Variants in DTNA observed in about 807,000 individuals in gnomAD.
The protein encoded by DTNA is dystrophin-related protein 3.
Under a neutral mutation model 100.7 loss-of-function variants are expected in DTNA, and 43 were observed. That is an observed-to-expected ratio of 0.43 (90% CI 0.33 to 0.55). DTNA has a LOEUF of 0.55. Ranked by LOEUF, DTNA falls within the 20% of genes least tolerant of loss-of-function variation. The pLI is 0.04. For synonymous variants in DTNA, 349 were observed against 347.9 expected (o/e 1.00, Z -0.04); for missense variants, 798 against 953.9 (o/e 0.84, Z 2.15).
intron 3 of DTNA, among the ~76,000 whole-genome samples, chr18:34,789,759 A>G (rs2094636502): frequency 1.3e-5 from 2 of 152,150 alleles, no homozygotes; most frequent in Admixed American, 6.5e-5. Flanking sequence ...TACGTTCCTT[A>G]TATTAGGACC....
chr18:34,791,685 T>A (rs28521325), intron 3 of DTNA, among the ~76,000 whole-genome samples: 1 of 152,220 alleles, frequency 6.6e-6, no homozygotes, highest in Non-Finnish European at 1.5e-5. Context: ...TTTCCAAAAC[T>A]AATAAATATT....
At chr18:34,699,006 A>G (rs2080997260) in intron 1 of DTNA, among the ~76,000 whole-genome samples, 2 of 151,204 alleles carry the variant, frequency 1.3e-5, no homozygotes, top group Non-Finnish European at 2.9e-5. Flanking sequence ...ATAATCTAGT[A>G]TGATCTCATT....
At chr18:34,581,319 G>A (rs1477997593) in intron 1 of DTNA, among the ~76,000 whole-genome samples, 1 of 152,086 alleles carries the variant, frequency 6.6e-6, no homozygotes, top group East Asian at 1.9e-4. Flanking sequence ...TGGGCTGGTT[G>A]TCCTTATCCA....
chr18:34,875,201 T>C, intron 17 of DTNA, 38 bp from the exon 18 acceptor site: 2 of 1,609,432 alleles, frequency 1.2e-6, no homozygotes, highest in Non-Finnish European at 8.5e-7. Context: ...TGACATTTTC[T>C]TGGGAAAGCA....
chr18:34,553,134 A>G lies in DTNA; in HGVS notation c.-2+59620A>G, dbSNP rs1170664779. Among the ~76,000 whole-genome samples the G allele has an allele frequency of 5.4e-4, 81 of 149,772 alleles. 1 individual carries two copies. Among genetic ancestry groups the G allele is most frequent in the Non-Finnish European group, 1.6e-4 (11 of 66,764 alleles). On this transcript the variant is annotated intron_variant, in intron 1 of 19. Coordinates refer to the DTNA transcript ENST00000283365. Reference sequence around the variant, plus strand: ...TGCATTTCTCTGATGGCCAGTGATGATGAGCATTTTTTCATGTGTTTTTTG... The same window carrying G: ...TGCATTTCTCTGATGGCCAGTGATGGTGAGCATTTTTTCATGTGTTTTTTG...
chr18:34,667,605 C>G (rs1437689552), intron 1 of DTNA, among the ~76,000 whole-genome samples: 2 of 152,074 alleles, frequency 1.3e-5, no homozygotes, highest in African/African-American at 4.8e-5. Flanking sequence ...CCCATCAATA[C>G]CTAATTTATT....
At chr18:34,566,408 G>A (rs1416427667) in intron 1 of DTNA, among the ~76,000 whole-genome samples, 1 of 152,126 alleles carries the variant, frequency 6.6e-6, no homozygotes, top group Non-Finnish European at 1.5e-5. Flanking sequence ...ATTAAAAATG[G>A]TAGAAAGTTT....
At chr18:34,517,847 C>T (rs2041802275) in intron 1 of DTNA, among the ~76,000 whole-genome samples, 1 of 152,032 alleles carries the variant, frequency 6.6e-6, no homozygotes, top group African/African-American at 2.4e-5. Context: ...TAACCATTCA[C>T]CTGTTAAAGG....
intron 1 of DTNA, among the ~76,000 whole-genome samples, chr18:34,658,101 T>C (rs1418814872): frequency 6.6e-6 from 1 of 152,092 alleles, no homozygotes; most frequent in East Asian, 1.9e-4. Context: ...AAGAAAAAGA[T>C]GAAAGAAGCT....
chr18:34,634,192 C>T (rs1471953153), intron 1 of DTNA, among the ~76,000 whole-genome samples: 2 of 152,172 alleles, frequency 1.3e-5, no homozygotes, highest in South Asian at 2.1e-4. Flanking sequence ...AAAGCATTTA[C>T]TCCTTTGCCC....
chr18:34,676,129 G>A (rs978357924), intron 1 of DTNA, among the ~76,000 whole-genome samples: 13 of 152,034 alleles, frequency 8.6e-5, no homozygotes, highest in Non-Finnish European at 1.3e-4. Flanking sequence ...TGTAATAAAC[G>A]TGTATGCTTT....
At chr18:34,554,010 G>C (rs540023412) in intron 1 of DTNA, among the ~76,000 whole-genome samples, 298 of 147,318 alleles carry the variant, frequency 2.0e-3, no homozygotes, top group Non-Finnish European at 3.3e-3. Context: ...CTACCCATGA[G>C]CATGGAATGT....
At chr18:34,837,112 A>G (rs1568711795) in intron 11 of DTNA, among the ~76,000 whole-genome samples, 1 of 152,288 alleles carries the variant, frequency 6.6e-6, no homozygotes, top group East Asian at 1.9e-4. Flanking sequence ...ATAGTTAAAT[A>G]TTTGGTATTC....
intron 1 of DTNA, among the ~76,000 whole-genome samples, chr18:34,697,655 T>A: frequency 6.6e-6 from 1 of 152,084 alleles, no homozygotes; most frequent in Non-Finnish European, 1.5e-5. Flanking sequence ...AAGGCCTAAT[T>A]GTGCACCGGG....
intron 1 of DTNA, among the ~76,000 whole-genome samples, chr18:34,724,494 G>A (rs2086125717): frequency 6.6e-6 from 1 of 152,198 alleles, no homozygotes; most frequent in Admixed American, 6.5e-5. Flanking sequence ...AGTTCTGCAG[G>A]TTGTACACAA....
At chr18:34,640,175 A>T (rs561210987) in intron 1 of DTNA, among the ~76,000 whole-genome samples, 1 of 152,308 alleles carries the variant, frequency 6.6e-6, no homozygotes, top group African/African-American at 2.4e-5. Flanking sequence ...TATGATTATC[A>T]CCATTTTGTC....
intron 6 of DTNA, among the ~76,000 whole-genome samples, chr18:34,813,670 T>C (rs932274778): frequency 1.1e-4 from 16 of 151,910 alleles, no homozygotes; most frequent in African/African-American, 3.6e-4. Flanking sequence ...CTGTCCAATA[T>C]GTTGAAACCC....
chr18:34,669,404 T>C (rs1480335146), intron 1 of DTNA, among the ~76,000 whole-genome samples: 3 of 152,208 alleles, frequency 2.0e-5, no homozygotes, highest in East Asian at 1.9e-4. Context: ...TGTCTTTTAA[T>C]TGGAGTATTT....
intron 1 of DTNA, chr18:34,755,402 AG>A (rs2092704501): frequency 6.3e-6 from 1 of 157,580 alleles, no homozygotes; most frequent in African/African-American, 2.4e-5. Context: ...TGTTATATAC[AG>A]GAACTGTTGC....
Sources: gnomAD v4.1 joint callset for allele counts (sites outside exome capture counted in the v4.1 genomes callset) on GRCh38, gnomAD v4.1.1 for gene constraint, MANE v1.5 for transcripts, NCBI Gene and HGNC (gene_info 2026-07-23, HGNC 2026-07-21) for gene names.